MYCT1: variants seen among roughly 807,000 people sequenced by gnomAD.
The protein encoded by MYCT1 is myc target protein 1.
MYCT1 carries 12 observed loss-of-function variants against 15.0 expected under a neutral mutation model. The observed-to-expected ratio is 0.80, with a 90% confidence interval of 0.51 to 1.29. MYCT1 has a LOEUF of 1.29. MYCT1 is among the 50% of genes most tolerant of loss of function. The pLI is 0.00. For synonymous variants in MYCT1, 104 were observed against 102.7 expected, an observed-to-expected ratio of 1.01 and a Z score of -0.07; for missense variants, 287 against 279.1, an observed-to-expected ratio of 1.03 and a Z score of -0.20.
At chr6:152,741,937 GT>G in the MYCT1 span, among the ~76,000 whole-genome samples, 1 of 152,148 alleles carries the variant, frequency 6.6e-6, no homozygotes, top group African/African-American at 2.4e-5. Context: ...TAGGAAAGAA[GT>G]ATTGAACATT....
chr6:152,730,830 T>C, the MYCT1 span, among the ~76,000 whole-genome samples: 2 of 152,194 alleles, frequency 1.3e-5, no homozygotes, highest in African/African-American at 4.8e-5. Flanking sequence ...ATTCAATATA[T>C]ACTGCTTTAT....
the MYCT1 span, among the ~76,000 whole-genome samples, chr6:152,744,976 C>T: frequency 6.6e-6 from 1 of 152,048 alleles, no homozygotes; most frequent in Non-Finnish European, 1.5e-5. Flanking sequence ...GTTGAAGAAG[C>T]CTAAGGTGAG....
intron 1 of MYCT1, among the ~76,000 whole-genome samples, chr6:152,703,951 TTTTATTTTATTTTATTTTA>T (rs1264453192): frequency 4.8e-5 from 1 of 20,868 alleles, no homozygotes; most frequent in Non-Finnish European, 1.1e-4. Context: ...TTTTATTTTA[TTTTATTTTATTTTATTTTA>T]TTTTATTTTA....
intron 1 of MYCT1, among the ~76,000 whole-genome samples, chr6:152,720,496 A>G (rs1040757928): frequency 2.0e-5 from 3 of 152,194 alleles, no homozygotes; most frequent in African/African-American, 7.2e-5. Context: ...AATACAGACT[A>G]CCTACATAAG....
intron 1 of MYCT1, among the ~76,000 whole-genome samples, chr6:152,713,412 C>T (rs1401349791): frequency 2.0e-5 from 3 of 152,022 alleles, no homozygotes; most frequent in African/African-American, 7.2e-5. Context: ...TGTCTTTTCT[C>T]TTAAGAATGG....
At chr6:152,737,643 A>G in the MYCT1 span, among the ~76,000 whole-genome samples, 1 of 152,110 alleles carries the variant, frequency 6.6e-6, no homozygotes, top group Non-Finnish European at 1.5e-5. Context: ...GGCATCATCT[A>G]TTTCATTCAA....
chr6:152,744,437 T>A, the MYCT1 span, among the ~76,000 whole-genome samples: 1 of 136,204 alleles, frequency 7.3e-6, no homozygotes, highest in South Asian at 2.2e-4. Flanking sequence ...CAGGAAGGAC[T>A]CAAGGCTCTT....
chr6:152,734,991 C>G, the MYCT1 span, among the ~76,000 whole-genome samples: 1 of 152,144 alleles, frequency 6.6e-6, no homozygotes, highest in Non-Finnish European at 1.5e-5. Flanking sequence ...CCCTAATCTA[C>G]AGATGATTTA....
At chr6:152,698,163 A>G (rs2099720727) in intron 1 of MYCT1, 65 bp downstream of exon 1, 1 of 914,278 alleles carries the variant, frequency 1.1e-6, no homozygotes, top group Non-Finnish European at 1.6e-6. Context: ...CTGCGTGATT[A>G]TTAAAACAGT....
At chr6:152,715,878 G>A (rs901839912) in intron 1 of MYCT1, among the ~76,000 whole-genome samples, 1 of 152,186 alleles carries the variant, frequency 6.6e-6, no homozygotes, top group Non-Finnish European at 1.5e-5. Flanking sequence ...AGGAAGAGTA[G>A]AGGAGATGGG....
rs1205304632 is a variant in MYCT1, at chr6:152,723,642, T to A, written c.*1389T>A. On this transcript the variant is annotated 3_prime_UTR_variant, in exon 2 of 2. Coordinates refer to ENST00000367245, the MANE Select transcript of MYCT1 (RefSeq NM_025107.3). ...ACAGTGATTAAGCCATGCCAGATGG[T>A]CTTTGGTGCACACAGTTATTTAAGA... 6.6e-6 allele frequency: 1 copy of A among 152,216 alleles called. No individual in the cohort carries two copies. Among genetic ancestry groups the A allele is most frequent in the Non-Finnish European group, 1.5e-5 (1 of 68,042 alleles). 9.4% of individuals were successfully genotyped at this position (152,216 alleles called of 1,614,324 possible).
intron 1 of MYCT1, among the ~76,000 whole-genome samples, chr6:152,703,318 G>C (rs2154154): frequency 0.37 from 56,588 of 151,926 alleles, 11,410 homozygotes; most frequent in East Asian, 0.62. Flanking sequence ...TTGACCATTT[G>C]AATTAAATTT....
chr6:152,724,975 TA>T (rs1268464711), downstream of MYCT1, among the ~76,000 whole-genome samples: 3 of 151,922 alleles, frequency 2.0e-5, no homozygotes, highest in African/African-American at 7.2e-5. Flanking sequence ...ATTTAGGGAA[TA>T]AGCATTTTAA....
the MYCT1 span, among the ~76,000 whole-genome samples, chr6:152,736,074 C>T: frequency 6.6e-6 from 1 of 151,990 alleles, no homozygotes; most frequent in African/African-American, 2.4e-5. Context: ...TGCTAAAAAC[C>T]AGAGTCTTAC....
chr6:152,706,866 TG>T (rs1302710136), intron 1 of MYCT1, among the ~76,000 whole-genome samples: 1 of 151,974 alleles, frequency 6.6e-6, no homozygotes, highest in African/African-American at 2.4e-5. Flanking sequence ...TGTGTGTGTG[TG>T]TGTGTGTATG....
chr6:152,742,052 G>T, the MYCT1 span, among the ~76,000 whole-genome samples: 22 of 152,128 alleles, frequency 1.4e-4, no homozygotes, highest in Non-Finnish European at 5.9e-5. Flanking sequence ...TCATTCACTC[G>T]CTCATCTGAA....
rs1765503524 is a variant in MYCT1 at position 152,722,278 on chromosome 6, T to C, written c.*25T>C. The C allele has an allele frequency of 6.4e-7, 1 of 1,566,832 alleles. No homozygotes were observed. Among genetic ancestry groups the C allele is most frequent in the South Asian group, 1.2e-5 (1 of 83,834 alleles). ...AGTAGGGTGGCTTTTGGTTTTTGTT[T>C]CTTTCTTGTCTTGTCTTTTATTGAA... On this transcript the variant is annotated 3_prime_UTR_variant, in exon 2 of 2. Transcript: ENST00000367245.
At chr6:152,714,492 G>A (rs537720055) in intron 1 of MYCT1, among the ~76,000 whole-genome samples, 2 of 151,002 alleles carry the variant, frequency 1.3e-5, no homozygotes, top group South Asian at 4.1e-4. Context: ...TCTTATGAAT[G>A]TGGCTTTAGG....
Position 152,724,233 on chromosome 6 carries a change from C to CTTTTTT in MYCT1, c.*1993_*1998dup, listed in dbSNP as rs10604620. On this transcript the variant is annotated 3_prime_UTR_variant, in exon 2 of 2. Transcript: ENST00000367245. Reference sequence around the variant, plus strand: ...GAATATTAACTTGGTATCAGGGCTACTTTTTTTTTTTTTTTTTTACTTGCA... The same window carrying CTTTTTT: ...GAATATTAACTTGGTATCAGGGCTACTTTTTTTTTTTTTTTTTTTTTTTTACTTGCA... 7.3e-6 allele frequency: 1 copy of CTTTTTT among 137,726 alleles called. No homozygotes were observed. Among genetic ancestry groups the CTTTTTT allele is most frequent in the African/African-American group, 2.7e-5 (1 of 37,702 alleles). 8.5% of individuals were successfully genotyped at this position (137,726 alleles called of 1,614,324 possible).
Sources: allele counts gnomAD v4.1 joint callset (sites outside exome capture counted in the v4.1 genomes callset), GRCh38; gene constraint gnomAD v4.1.1; transcripts MANE v1.5; gene names NCBI Gene and HGNC (gene_info 2026-07-23, HGNC 2026-07-21).